Variants in CLNK observed in about 807,000 individuals in gnomAD.
CLNK encodes the protein cytokine-dependent hematopoietic cell linker.
Under a neutral mutation model 68.6 loss-of-function variants are expected in CLNK, and 74 were observed. The ratio of observed to expected loss-of-function variants is 1.08; its 90% confidence interval spans 0.89 to 1.31. The LOEUF is 1.31. CLNK is among the 50% of genes most tolerant of loss of function. CLNK has a pLI of 0.00. For synonymous variants in CLNK, 198 were observed against 172.2 expected, an observed-to-expected ratio of 1.15 and a Z score of -1.17; for missense variants, 553 against 515.3, an observed-to-expected ratio of 1.07 and a Z score of -0.71.
At chr4:10,551,667 A>C (rs1256413454) in intron 8 of CLNK, among the ~76,000 whole-genome samples, 1 of 152,150 alleles carries the variant, frequency 6.6e-6, no homozygotes, top group Non-Finnish European at 1.5e-5. Flanking sequence ...CATAAGTATA[A>C]TGTTCTGTTC....
At chr4:10,586,100 G>A (rs1414052408) in intron 3 of CLNK, among the ~76,000 whole-genome samples, 3 of 151,996 alleles carry the variant, frequency 2.0e-5, no homozygotes, top group Admixed American at 6.5e-5. Context: ...CTGCTGCTCC[G>A]ACAGGAGACA....
chr4:10,531,777 G>A (rs542231294), intron 12 of CLNK: 4 of 456,998 alleles, frequency 8.8e-6, no homozygotes, highest in African/African-American at 8.0e-5. Context: ...ACAGAAACTG[G>A]GATGAGTAAG....
chr4:10,628,668 C>A (rs150374979), intron 2 of CLNK, among the ~76,000 whole-genome samples: 3 of 152,116 alleles, frequency 2.0e-5, no homozygotes, highest in Admixed American at 6.5e-5. Flanking sequence ...GTGAAGACTG[C>A]GATGCCTGTG....
intron 2 of CLNK, among the ~76,000 whole-genome samples, chr4:10,645,895 C>T (rs1167760678): frequency 6.6e-6 from 1 of 152,018 alleles, no homozygotes. Context: ...TCCCAAATAC[C>T]TTGATTTTTT....
At chr4:10,717,560 C>A in the CLNK span, among the ~76,000 whole-genome samples, 1 of 152,126 alleles carries the variant, frequency 6.6e-6, no homozygotes. Context: ...GGCGCCATTG[C>A]ACTCCAGCCT....
Position 10,652,855 on chromosome 4 carries a change from C to T in CLNK, c.11+15004G>A, listed in dbSNP as rs548405041. Among the ~76,000 whole-genome samples, 11 of 152,226 alleles carry T rather than the reference C, an allele frequency of 7.2e-5. No individual in the cohort carries two copies. In the South Asian group the frequency reaches 1.4e-3, roughly 20 times the overall value. On this transcript the variant is annotated intron_variant, in intron 2 of 18. Coordinates refer to ENST00000226951, the MANE Select transcript of CLNK (RefSeq NM_052964.4). The stretch of plus-strand genomic sequence containing the variant: ...ACACATGGAATATTGCAAAAAAATG[C>T]CCCTTATATCATTCTACTATAAAGA...
chr4:10,678,529 T>C (rs1724960053), intron 1 of CLNK, among the ~76,000 whole-genome samples: 1 of 152,142 alleles, frequency 6.6e-6, no homozygotes, highest in Admixed American at 6.6e-5. Flanking sequence ...AAGGCTTTGA[T>C]AGATGAATAA....
chr4:10,677,096 T>C (rs929388132), intron 1 of CLNK, among the ~76,000 whole-genome samples: 4 of 151,978 alleles, frequency 2.6e-5, no homozygotes, highest in African/African-American at 9.7e-5. Flanking sequence ...CTCCATTGCT[T>C]GATTAATGCA....
At position 10,525,911 on chromosome 4, in the gene CLNK, G is replaced by A; in HGVS notation, c.661C>T (p.Gln221Ter). 1.9e-6 allele frequency: 3 copies of A among 1,563,610 alleles called. No individual in the cohort carries two copies. The highest frequency in any genetic ancestry group is 2.6e-6 in the Non-Finnish European group (3 of 1,148,976). ...VLEAEKVPHN[Q>*]RKPESTHLLE... ...AGATGAGTTGATTCAGGCTTCCTCTGGTTATGAGGAACTATATAAAACAGT... is the reference window on the plus strand; with the variant it reads ...AGATGAGTTGATTCAGGCTTCCTCTAGTTATGAGGAACTATATAAAACAGT... The change falls in exon 14 of 19, where the codon CAG (glutamine) becomes TAG (stop). Residue 221 changes from glutamine to a stop codon, truncating the protein, a stop_gained. Transcript: ENST00000226951. LOFTEE classifies it high-confidence loss of function.
intron 15 of CLNK, among the ~76,000 whole-genome samples, chr4:10,515,186 C>T (rs1207605824): frequency 3.3e-5 from 5 of 151,996 alleles, no homozygotes; most frequent in Non-Finnish European, 5.9e-5. Flanking sequence ...TGCAATGAGC[C>T]GAGATCATGC....
At chr4:10,538,284 C>A (rs1470385744) in intron 11 of CLNK, among the ~76,000 whole-genome samples, 2 of 152,132 alleles carry the variant, frequency 1.3e-5, no homozygotes, top group Non-Finnish European at 2.9e-5. Flanking sequence ...CATACTCCAC[C>A]CCACCCAGCT....
rs546551417 is a variant in CLNK, at chr4:10,613,724, C to A, written c.12-15675G>T. 4.6e-5 allele frequency among the ~76,000 whole-genome samples: 7 copies of A among 152,268 alleles called. No individual in the cohort carries two copies. In the South Asian group the frequency reaches 1.5e-3, roughly 32 times the overall value. Reference sequence around the variant, plus strand: ...AGCAGGAGATGGAACAGGGTGGGAGCAGGGGAGGTGTTACTCTCTTTGTAG... The same window carrying A: ...AGCAGGAGATGGAACAGGGTGGGAGAAGGGGAGGTGTTACTCTCTTTGTAG... On this transcript the variant is annotated intron_variant, in intron 2 of 18. Transcript: ENST00000226951.
At chr4:10,602,708 G>C (rs1721634817) in intron 2 of CLNK, among the ~76,000 whole-genome samples, 2 of 152,194 alleles carry the variant, frequency 1.3e-5, no homozygotes, top group South Asian at 4.1e-4. Context: ...CCGCAGGAAA[G>C]ACATGCACTA....
At chr4:10,626,642 T>C (rs1168605527) in intron 2 of CLNK, among the ~76,000 whole-genome samples, 6 of 152,204 alleles carry the variant, frequency 3.9e-5, no homozygotes, top group African/African-American at 1.2e-4. Flanking sequence ...CACACATATA[T>C]GTAAATACTA....
chr4:10,667,881 C>T lies in CLNK; in HGVS notation c.-12G>A, dbSNP rs770040155. 7.6e-6 allele frequency: 12 copies of T among 1,587,880 alleles called. No homozygotes were observed. The highest frequency in any genetic ancestry group is 1.4e-5 in the African/African-American group (1 of 73,794). On this transcript the variant is annotated 5_prime_UTR_variant, in exon 2 of 19. The change creates a new upstream start codon in the 5' untranslated region. Transcript: ENST00000226951. Reference sequence around the variant, plus strand: ...TACTGCCTGTTCATAGTTCTTGGCACCTGGCGGGTAAGAGGGATCTTCAAT... The same window carrying T: ...TACTGCCTGTTCATAGTTCTTGGCATCTGGCGGGTAAGAGGGATCTTCAAT...
chr4:10,667,955 T>C (rs576145873), intron 1 of CLNK, 44 bp from the exon 2 acceptor site: 3 of 1,141,424 alleles, frequency 2.6e-6, no homozygotes, highest in South Asian at 1.5e-5. Context: ...TTCCACATCA[T>C]GTTTTAATTC....
intron 2 of CLNK, among the ~76,000 whole-genome samples, chr4:10,610,701 G>A (rs938228280): frequency 6.6e-6 from 1 of 151,476 alleles, no homozygotes; most frequent in African/African-American, 2.4e-5. Flanking sequence ...ACGTGTTCCT[G>A]GTGGTTTAAT....
chr4:10,565,559 A>G (rs559612384), intron 6 of CLNK, among the ~76,000 whole-genome samples: 5 of 151,792 alleles, frequency 3.3e-5, no homozygotes, highest in Admixed American at 6.6e-5. Context: ...TGGCTGCACA[A>G]TGAATTAACC....
intron 16 of CLNK, 57 bp from the exon 17 acceptor site, chr4:10,508,093 G>A: frequency 1.5e-6 from 2 of 1,331,636 alleles, no homozygotes; most frequent in South Asian, 1.3e-5. Context: ...ATGAATTATT[G>A]ATTAATTAAT....
Sources: gnomAD v4.1 joint callset for allele counts (sites outside exome capture counted in the v4.1 genomes callset) on GRCh38, gnomAD v4.1.1 for gene constraint, MANE v1.5 for transcripts, NCBI Gene and HGNC (gene_info 2026-07-23, HGNC 2026-07-21) for gene names.